FAM20A: variants seen among roughly 807,000 people sequenced by gnomAD.
The protein encoded by FAM20A is FAM20A golgi associated secretory pathway pseudokinase, also known as pseudokinase FAM20A.
FAM20A carries 42 observed loss-of-function variants against 52.0 expected under a neutral mutation model. The ratio of observed to expected loss-of-function variants is 0.81; its 90% CI spans 0.63 to 1.04. The LOEUF is 1.04. Ranked by LOEUF, FAM20A falls within the 50% of genes least tolerant of loss-of-function variation. The probability of loss-of-function intolerance (pLI) is 0.00; values close to 1 mark genes in which losing one functional copy is unlikely to be tolerated. For synonymous variants in FAM20A, 304 were observed against 298.9 expected (o/e 1.02, Z -0.18); for missense variants, 742 against 712.7 (o/e 1.04, Z -0.47).
Position 68,554,847 on chromosome 17 carries a change from C to T in FAM20A, c.590-20G>A, listed in dbSNP as rs754692722. On this transcript the variant is annotated intron_variant, in intron 2 of 10. Coordinates refer to ENST00000592554, the MANE Select transcript of FAM20A (RefSeq NM_017565.4). ...TGTAATCTGCAAAGGAGGAGAAGGGCAATGAGAACTTCCAGTCTTGTTCCT... is the reference window on the plus strand; with the variant it reads ...TGTAATCTGCAAAGGAGGAGAAGGGTAATGAGAACTTCCAGTCTTGTTCCT... 3 of 1,613,774 alleles carry T rather than the reference C, an allele frequency of 1.9e-6. No individual in the cohort carries two copies. The Admixed American group carries it at 5.0e-5, about 27-fold the overall frequency.
chr17:68,542,361 G>C (rs1210886740), intron 6 of FAM20A, among the ~76,000 whole-genome samples, 196 bp from the exon 7 acceptor site: 1 of 152,164 alleles, frequency 6.6e-6, no homozygotes, highest in Admixed American at 6.5e-5. Flanking sequence ...CTGGGAACCT[G>C]CTTTCAAATG....
At chr17:68,579,484 T>C (rs1232651342) in intron 1 of FAM20A, among the ~76,000 whole-genome samples, 2 of 152,068 alleles carry the variant, frequency 1.3e-5, no homozygotes, top group South Asian at 2.1e-4. Context: ...TCCAAAGTGA[T>C]TGGACTTTTG....
intron 1 of FAM20A, among the ~76,000 whole-genome samples, chr17:68,568,422 C>T (rs765672661): frequency 1.6e-4 from 24 of 151,508 alleles, no homozygotes; most frequent in South Asian, 4.2e-4. Context: ...GAGCGGAGAT[C>T]GCGTCACTGC....
chr17:68,589,507 A>G (rs2088244941), intron 1 of FAM20A, among the ~76,000 whole-genome samples: 1 of 152,218 alleles, frequency 6.6e-6, no homozygotes, highest in Non-Finnish European at 1.5e-5. Context: ...AAAGTCATGG[A>G]AAGGAGTTAT....
In FAM20A at chr17:68,543,520, C is replaced by T. The variant is rs909098545; in HGVS notation, c.812+109G>A. The T allele has an allele frequency of 1.2e-5, 11 of 945,948 alleles. No homozygotes were observed. The Admixed American group carries it at 2.0e-4, about 17-fold the overall frequency. 58.6% of individuals were successfully genotyped at this position (945,948 alleles called of 1,614,324 possible). On this transcript the variant is annotated intron_variant, in intron 5 of 10. Transcript: ENST00000592554. ...GATGAGGCACGAAGAAGATAGAAAG[C>T]CAGAAGGAAGAAATGCCAGGGAGTT...
chr17:68,582,907 C>T (rs975989011), intron 1 of FAM20A, among the ~76,000 whole-genome samples: 1 of 141,558 alleles, frequency 7.1e-6, no homozygotes, highest in Admixed American at 7.8e-5. Context: ...TCAAGCAATT[C>T]TCCTACCTTA....
intron 1 of FAM20A, among the ~76,000 whole-genome samples, chr17:68,591,235 TA>T (rs755747659): frequency 2.6e-5 from 4 of 152,102 alleles, no homozygotes; most frequent in Non-Finnish European, 5.9e-5. Context: ...GCCTCCCGAG[TA>T]GCTGGGCGCC....
At chr17:68,575,348 A>G (rs2087696454) in intron 1 of FAM20A, among the ~76,000 whole-genome samples, 1 of 145,990 alleles carries the variant, frequency 6.8e-6, no homozygotes, top group African/African-American at 2.5e-5. Context: ...AGAGTTCAAG[A>G]CCAACCTGGC....
At chr17:68,547,658 T>C (rs1376644311) in intron 4 of FAM20A, among the ~76,000 whole-genome samples, 2 of 152,240 alleles carry the variant, frequency 1.3e-5, no homozygotes, top group South Asian at 2.1e-4. Flanking sequence ...TCAGCCTTCA[T>C]TGAGGAGAGT....
At chr17:68,556,544 A>G (rs151270766) in intron 1 of FAM20A, among the ~76,000 whole-genome samples, 1 of 149,092 alleles carries the variant, frequency 6.7e-6, no homozygotes, top group African/African-American at 2.5e-5. Context: ...TGAAGAAGGC[A>G]GACTTCAGCT....
chr17:68,568,752 A>G (rs187413941), intron 1 of FAM20A, among the ~76,000 whole-genome samples: 132 of 151,714 alleles, frequency 8.7e-4, no homozygotes, highest in Non-Finnish European at 1.6e-3. Context: ...CCTCTCCTAT[A>G]AGGATTCTTG....
chr17:68,570,487 T>G (rs2087507948), intron 1 of FAM20A, among the ~76,000 whole-genome samples: 1 of 152,226 alleles, frequency 6.6e-6, no homozygotes, highest in African/African-American at 2.4e-5. Context: ...AGACAGCTAA[T>G]GGGAACCATA....
intron 1 of FAM20A, among the ~76,000 whole-genome samples, chr17:68,564,213 G>A (rs2143762458): frequency 6.6e-6 from 1 of 152,284 alleles, no homozygotes; most frequent in Middle Eastern, 3.4e-3. Context: ...TAGGGTACAG[G>A]CTTAAAAAGT....
chr17:68,584,965 G>T (rs2088126473), intron 1 of FAM20A, among the ~76,000 whole-genome samples: 1 of 152,200 alleles, frequency 6.6e-6, no homozygotes, highest in African/African-American at 2.4e-5. Context: ...GATAAAGTTA[G>T]GCATTCAATG....
chr17:68,592,299 G>A (rs1490960083), intron 1 of FAM20A, among the ~76,000 whole-genome samples: 1 of 152,170 alleles, frequency 6.6e-6, no homozygotes, highest in Non-Finnish European at 1.5e-5. Context: ...AAAAAAGTAC[G>A]TGAGCCAGCT....
At position 68,543,781 on chromosome 17, in the gene FAM20A, G is replaced by T. The variant is rs573336407; in HGVS notation, c.720-60C>A. The T allele has an allele frequency of 9.3e-6, 13 of 1,403,170 alleles. No individual in the cohort carries two copies. In the South Asian group the frequency reaches 1.4e-4, roughly 15 times the overall value. 86.9% of individuals were successfully genotyped at this position (1,403,170 alleles called of 1,614,324 possible). On this transcript the variant is annotated intron_variant, in intron 4 of 10. Coordinates refer to ENST00000592554, the MANE Select transcript of FAM20A (RefSeq NM_017565.4). ...GACTTCAGCTGGGAGCCTGAGAAGAGAGCTGATGAGCATGACCAGCGAGAA... is the reference window on the plus strand; with the variant it reads ...GACTTCAGCTGGGAGCCTGAGAAGATAGCTGATGAGCATGACCAGCGAGAA...
At chr17:68,582,627 C>T (rs68007754) in intron 1 of FAM20A, 25,588 of 151,978 alleles carry the variant, frequency 0.17, 2,418 homozygotes, top group East Asian at 0.35. Context: ...AAACCAGGCA[C>T]CCTGCTCAGT....
intron 1 of FAM20A, among the ~76,000 whole-genome samples, chr17:68,579,760 T>G (rs1180851290): frequency 6.6e-6 from 1 of 152,132 alleles, no homozygotes; most frequent in African/African-American, 2.4e-5. Context: ...GTCTTCACAG[T>G]CATCAGGGCA....
chr17:68,571,985 T>C (rs1293697955), intron 1 of FAM20A, among the ~76,000 whole-genome samples: 11 of 42,580 alleles, frequency 2.6e-4, no homozygotes, highest in African/African-American at 1.2e-3. Flanking sequence ...TGTATATACA[T>C]ACATATATAT....
Sources: gnomAD v4.1 joint callset for allele counts (sites outside exome capture counted in the v4.1 genomes callset) on GRCh38, gnomAD v4.1.1 for gene constraint, MANE v1.5 for transcripts, NCBI Gene and HGNC (gene_info 2026-07-23, HGNC 2026-07-21) for gene names.